Variants in CYP3A5 observed in about 807,000 individuals in gnomAD.
The protein encoded by CYP3A5 is cytochrome P450 3A5.
CYP3A5 carries 51 observed loss-of-function variants against 55.9 expected under a neutral mutation model. The observed-to-expected ratio is 0.91, with a 90% CI of 0.73 to 1.15. The LOEUF (loss-of-function observed/expected upper bound fraction) is 1.15. Ranked by LOEUF, CYP3A5 falls within the 50% of genes most tolerant of loss-of-function variation. The pLI, the probability that CYP3A5 is intolerant of heterozygous loss-of-function variation, is 0.00. For missense variants in CYP3A5, 533 were observed against 596.6 expected (o/e 0.89, Z 1.11); for synonymous variants, 196 against 213.9 (o/e 0.92, Z 0.73).
rs144684833 is a variant in CYP3A5 at position 99,660,640 on chromosome 7, G to C, written c.885C>G (p.Leu295=). 1 of 1,613,872 alleles carries C rather than the reference G, an allele frequency of 6.2e-7. No individual in the cohort carries two copies. Among genetic ancestry groups the C allele is most frequent in the Non-Finnish European group, 8.5e-7 (1 of 1,179,876 alleles). Residue 295 remains leucine (L), a synonymous_variant, in exon 10 of 13, where the codon CTC becomes CTG. Transcript: ENST00000222982. The part of the protein sequence containing the change: ...ESHKALSDLE[L]AAQSIIFIFA... ...AAATGAAGATTATTGACTGGGCTGC[G>C]AGCTCCAGATCAGACAGAGCTGAAA... is the stretch of plus-strand genomic sequence containing the variant.
At chr7:99,663,271 A>G in intron 8 of CYP3A5, 1 of 1,006,236 alleles carries the variant, frequency 9.9e-7, no homozygotes, top group Non-Finnish European at 1.2e-6. Context: ...GTATAGATTA[A>G]TCTCCTGACA....
Position 99,670,406 on chromosome 7 carries a change from G to A in CYP3A5, c.318+2174C>T, listed in dbSNP as rs537208572. On this transcript the variant is annotated intron_variant, in intron 4 of 12. Coordinates refer to ENST00000222982, the MANE Select transcript of CYP3A5 (RefSeq NM_000777.5). ...CAAACAATTTTATGCATTTCGACAT[G>A]TTGGCTAAACATGGTCCTGTGAACA... 3.3e-5 allele frequency among the ~76,000 whole-genome samples: 5 copies of A among 152,308 alleles called. No homozygotes were observed. In the East Asian group the frequency reaches 7.7e-4, roughly 23 times the overall value.
chr7:99,652,344 T>C (rs1809274282), intron 11 of CYP3A5: 2 of 410,010 alleles, frequency 4.9e-6, no homozygotes, highest in South Asian at 1.3e-4. Flanking sequence ...ATTGATTATC[T>C]TTGTCTTGTG....
At position 99,666,999 on chromosome 7, in the gene CYP3A5, T is replaced by A; in HGVS notation, c.385A>T (p.Ile129Leu). Residue 129 changes from isoleucine (I) to leucine (L), a missense_variant, in exon 5 of 13, where the codon ATA becomes TTA. By Grantham distance (5) the Ile-to-Leu change is conservative (BLOSUM62 2). Coordinates refer to ENST00000222982, the MANE Select transcript of CYP3A5 (RefSeq NM_000777.5). ...SLAEDEEWKR[I>L]RSLLSPTFTS... ...AAGGTTGGAGACAGCAATGACCGTATTCTCTTCCATTCTTCATCCTCAGCT... is the reference window on the plus strand; with the variant it reads ...AAGGTTGGAGACAGCAATGACCGTAATCTCTTCCATTCTTCATCCTCAGCT... The A allele has an allele frequency of 6.2e-7, 1 of 1,614,170 alleles. No homozygotes were observed. Among genetic ancestry groups the A allele is most frequent in the Non-Finnish European group, 8.5e-7 (1 of 1,180,010 alleles).
At chr7:99,663,519 A>G in intron 8 of CYP3A5, 1 of 991,784 alleles carries the variant, frequency 1.0e-6, no homozygotes, top group Non-Finnish European at 1.2e-6. Flanking sequence ...CACATTTACC[A>G]CACACTACAT....
In CYP3A5 at chr7:99,648,346, G is replaced by C; in HGVS notation, c.1468C>G (p.Leu490Val). 1 of 1,612,212 alleles carries C rather than the reference G, an allele frequency of 6.2e-7. No individual in the cohort carries two copies. Among genetic ancestry groups the C allele is most frequent in the South Asian group, 1.1e-5 (1 of 90,836 alleles). ...GLLQPEKPIV[L>V]KVDSRDGTLS... is the part of the protein sequence containing the mutation. The stretch of plus-strand genomic sequence containing the variant: ...GTTCCATCTCTTGAATCCACCTTTA[G>C]AACAATGGGTTTTTCTGGTTGAAGA... The change falls in exon 13 of 13, where the codon CTA becomes GTA. Residue 490 changes from leucine (L) to valine (V), a missense_variant. Coordinates refer to ENST00000222982, the MANE Select transcript of CYP3A5 (RefSeq NM_000777.5).
chr7:99,666,636 C>G lies in CYP3A5; in HGVS notation c.486G>C (p.Arg162=), dbSNP rs775019272. The G allele has an allele frequency of 6.2e-7, 1 of 1,614,026 alleles. No homozygotes were observed. Among genetic ancestry groups the G allele is most frequent in the Non-Finnish European group, 8.5e-7 (1 of 1,179,930 alleles). Residue 162 remains arginine (R), a synonymous_variant, in exon 6 of 13, where the codon CGG becomes CGC. Coordinates refer to ENST00000222982, the MANE Select transcript of CYP3A5 (RefSeq NM_000777.5). ...YGDVLVRNLR[R]EAEKGKPVTL... ...TGACAGGCTTGCCTTTCTCTGCTTC[C>G]CGCCTCAAGTTTCTCACCAATACAT...
In CYP3A5 at chr7:99,662,838, C is replaced by T. The variant is rs759899966; in HGVS notation, c.843G>A (p.Ser281=). The change falls in exon 9 of 13, where the codon TCG becomes TCA. Residue 281 remains serine (S), a synonymous_variant. Transcript: ENST00000222982. The surrounding 1 kb of genome is among the most constrained non-coding windows in gnomAD (Gnocchi z 4.3). ...TACCTTTGTGGGACTCAGTTTCTTTCGAATTCTGGGAGTCAATCATCAGCT... is the reference window on the plus strand; with the variant it reads ...TACCTTTGTGGGACTCAGTTTCTTTTGAATTCTGGGAGTCAATCATCAGCT... ...FLQLMIDSQN[S]KETESHKALS... is the part of the protein sequence containing the mutation. 1.4e-5 allele frequency: 23 copies of T among 1,613,752 alleles called. No homozygotes were observed. In the South Asian group the frequency reaches 2.3e-4, roughly 16 times the overall value.
rs774734885 is a variant in CYP3A5, at chr7:99,666,663, T to A, written c.459A>T (p.Gly153=). ...KEMFPIIAQY[G]DVLVRNLRRE... ...GCCTCAAGTTTCTCACCAATACATCTCCATACTGGGCAATGATGGGGAACA... is the reference window on the plus strand; with the variant it reads ...GCCTCAAGTTTCTCACCAATACATCACCATACTGGGCAATGATGGGGAACA... Residue 153 remains glycine, a synonymous_variant, in exon 6 of 13, where the codon GGA becomes GGT. Transcript: ENST00000222982. The A allele has an allele frequency of 4.3e-6, 7 of 1,613,994 alleles. No individual in the cohort carries two copies. In the South Asian group the frequency reaches 5.5e-5, roughly 13 times the overall value.
chr7:99,660,212 TC>T (rs1745704911), intron 10 of CYP3A5: 20 of 950,846 alleles, frequency 2.1e-5, no homozygotes, highest in Non-Finnish European at 2.2e-5. Flanking sequence ...CTCGCCACAC[TC>T]CTTTTTTTTT....
intron 11 of CYP3A5, among the ~76,000 whole-genome samples, chr7:99,650,903 C>T (rs1162322984): frequency 1.3e-5 from 2 of 152,124 alleles, no homozygotes; most frequent in Admixed American, 1.3e-4. Context: ...TTGATCTGTT[C>T]CATTAAGCTA....
chr7:99,676,106 G>A lies in CYP3A5; in HGVS notation c.165+9C>T. ...ATAAGAAGCAAAAGAGGAAGCTCAA[G>A]CAACTCACCTGACGATAGGACAAAA... is the stretch of plus-strand genomic sequence containing the variant. On this transcript the variant is annotated intron_variant, in intron 2 of 12. Coordinates refer to ENST00000222982, the MANE Select transcript of CYP3A5 (RefSeq NM_000777.5). 6.2e-7 allele frequency: 1 copy of A among 1,612,278 alleles called. No individual in the cohort carries two copies. Among genetic ancestry groups the A allele is most frequent in the Non-Finnish European group, 8.5e-7 (1 of 1,178,676 alleles).
chr7:99,657,168 T>C (rs1809833025), intron 10 of CYP3A5, among the ~76,000 whole-genome samples: 1 of 152,236 alleles, frequency 6.6e-6, no homozygotes, highest in African/African-American at 2.4e-5. Context: ...CTTTTCATTG[T>C]GATGTTAGGG....
intron 10 of CYP3A5, among the ~76,000 whole-genome samples, chr7:99,655,715 G>A (rs1302032775): frequency 4.6e-5 from 7 of 152,198 alleles, no homozygotes; most frequent in Non-Finnish European, 1.5e-5. Context: ...CCATGAGCAT[G>A]GAATGTTGTT....
At chr7:99,660,245 T>TTTTTTTTA in intron 10 of CYP3A5, 1 of 738,736 alleles carries the variant, frequency 1.4e-6, no homozygotes, top group East Asian at 1.2e-4. Context: ...TTTTTTTTTT[T>TTTTTTTTA]ACTTAGCATT....
rs1810594989 is a variant in CYP3A5 at position 99,662,944 on chromosome 7, A to G, written c.799-62T>C. The G allele has an allele frequency of 6.2e-7, 1 of 1,605,606 alleles. No individual in the cohort carries two copies. The highest frequency in any genetic ancestry group is 1.7e-5 in the Admixed American group (1 of 59,642). On this transcript the variant is annotated intron_variant, in intron 8 of 12. Coordinates refer to ENST00000222982, the MANE Select transcript of CYP3A5 (RefSeq NM_000777.5). The surrounding 1 kb of genome is among the most constrained non-coding windows in gnomAD (Gnocchi z 4.3). ...GACTCGTGAAGTCAGAAGTAAATCA[A>G]AAGTGCAGTCCTCAACCTCCCTTCT...
chr7:99,662,976 C>T lies in CYP3A5; in HGVS notation c.799-94G>A. ...AGTCCTCAACCTCCCTTCTTGACTT[C>T]CCTCCCTCAACCTCCCTATGGCTTC... On this transcript the variant is annotated intron_variant, in intron 8 of 12. Transcript: ENST00000222982. The surrounding 1 kb of genome is among the most constrained non-coding windows in gnomAD (Gnocchi z 4.3). 4 of 1,564,502 alleles carry T rather than the reference C, an allele frequency of 2.6e-6. No individual in the cohort carries two copies. In the South Asian group the frequency reaches 3.6e-5, roughly 14 times the overall value.
chr7:99,673,891 A>G (rs1811952487), intron 3 of CYP3A5, among the ~76,000 whole-genome samples: 1 of 152,224 alleles, frequency 6.6e-6, no homozygotes, highest in Admixed American at 6.5e-5. Flanking sequence ...TGGTAACCAC[A>G]ATGCTCCTAG....
chr7:99,648,369 A>C lies in CYP3A5; in HGVS notation c.1445T>G (p.Leu482Arg), dbSNP rs1808825447. Residue 482 changes from leucine to arginine, a missense_variant, in exon 13 of 13, where the codon CTT (leucine) becomes CGT (arginine). Physicochemically the swap from Leu to Arg is moderately radical, Grantham distance 102. Transcript: ENST00000222982. The stretch of plus-strand genomic sequence containing the variant: ...TAGAACAATGGGTTTTTCTGGTTGA[A>C]GAAGTCCTTGCGTGTCTAATTTCAA... ...IPLKLDTQGL[L>R]QPEKPIVLKV... The C allele has an allele frequency of 6.2e-7, 1 of 1,612,148 alleles. No individual in the cohort carries two copies. Among genetic ancestry groups the C allele is most frequent in the Admixed American group, 1.7e-5 (1 of 59,944 alleles).
Sources: gnomAD v4.1 joint callset for allele counts (sites outside exome capture counted in the v4.1 genomes callset) on GRCh38, gnomAD v4.1.1 for gene constraint, Gnocchi (gnomAD v3.1) non-coding constraint, MANE v1.5 for transcripts, NCBI Gene and HGNC (gene_info 2026-07-23, HGNC 2026-07-21) for gene names.